The following ARHGAP6 variants were observed in gnomAD, a reference collection of about 807,000 sequenced individuals.
ARHGAP6 encodes the protein Rho GTPase activating protein 6, also known as rho GTPase-activating protein 6.
In ARHGAP6, 16 loss-of-function variants were observed where a neutral mutation model predicts 55.7. That is an observed-to-expected ratio of 0.29 (90% CI 0.19 to 0.44). The LOEUF is 0.44. Among genes scored for constraint, ARHGAP6 ranks in the 20% least tolerant of loss-of-function variants. The probability of loss-of-function intolerance (pLI) is 1.00; values close to 1 mark genes in which losing one functional copy is unlikely to be tolerated. For missense variants in ARHGAP6, 698 were observed against 808.9 expected, an observed-to-expected ratio of 0.86 and a Z score of 1.66; for synonymous variants, 382 against 360.9, an observed-to-expected ratio of 1.06 and a Z score of -0.66.
At chrX:11,459,870 C>T (rs745621311) in intron 1 of ARHGAP6, among the ~76,000 whole-genome samples, 3 of 111,588 alleles carry the variant, frequency 2.7e-5, no homozygotes, top group Non-Finnish European at 3.8e-5. Context: ...CATTCACAGA[C>T]TTCAGCCCTA....
chrX:11,599,126 G>A (rs1237458685), intron 1 of ARHGAP6, among the ~76,000 whole-genome samples: 1 of 111,346 alleles, frequency 9.0e-6, no homozygotes, highest in Non-Finnish European at 1.9e-5. Flanking sequence ...GTGTGTCTGT[G>A]TACCTCATCT....
At chrX:11,241,623 T>G (rs1233103761) in intron 2 of ARHGAP6, among the ~76,000 whole-genome samples, 2 of 109,502 alleles carry the variant, frequency 1.8e-5, no homozygotes, top group African/African-American at 3.3e-5. Context: ...TTGTTGGTTA[T>G]TTAACCAAAC....
intron 1 of ARHGAP6, among the ~76,000 whole-genome samples, chrX:11,643,041 C>T (rs2052491384): frequency 9.0e-6 from 1 of 111,118 alleles, no homozygotes; most frequent in South Asian, 3.7e-4. Flanking sequence ...GGAAGAAAAG[C>T]TGTTTTCTAT....
intron 5 of ARHGAP6, among the ~76,000 whole-genome samples, chrX:11,183,673 G>A (rs2046349435): frequency 1.8e-5 from 2 of 111,607 alleles, no homozygotes; most frequent in South Asian, 7.6e-4. Flanking sequence ...AGAAATCTCA[G>A]TGATTTCCTA....
intron 1 of ARHGAP6, among the ~76,000 whole-genome samples, chrX:11,431,074 A>G (rs2049936538): frequency 8.9e-6 from 1 of 112,790 alleles, no homozygotes; most frequent in African/African-American, 3.2e-5. Flanking sequence ...AGAAGCACAT[A>G]AAACCTCACT....
chrX:11,589,633 A>C lies in ARHGAP6; in HGVS notation c.588+74608T>G, dbSNP rs770940061. 8.8e-4 allele frequency among the ~76,000 whole-genome samples: 97 copies of C among 110,815 alleles called. 1 individual carries two copies. Among genetic ancestry groups the C allele is most frequent in the Non-Finnish European group, 1.2e-3 (66 of 53,001 alleles). ...AGTGAAGGAAAAAAGGTGTTTAGTTACTATCTGCTGAAATGCTGAGTCCAA... is the reference window on the plus strand; with the variant it reads ...AGTGAAGGAAAAAAGGTGTTTAGTTCCTATCTGCTGAAATGCTGAGTCCAA... On this transcript the variant is annotated intron_variant, in intron 1 of 12. Coordinates refer to ENST00000337414, the MANE Select transcript of ARHGAP6 (RefSeq NM_013427.3).
chrX:11,235,773 A>G (rs192395663), intron 2 of ARHGAP6, among the ~76,000 whole-genome samples: 1 of 111,303 alleles, frequency 9.0e-6, no homozygotes, highest in East Asian at 2.8e-4. Context: ...TCAGTTCCCA[A>G]CAAATTCCTC....
At chrX:11,153,737 T>G (rs911121521) in intron 10 of ARHGAP6, among the ~76,000 whole-genome samples, 8 of 110,530 alleles carry the variant, frequency 7.2e-5, no homozygotes, top group African/African-American at 2.6e-4. Flanking sequence ...TAAGTAAGTC[T>G]TCCCCCAGTG....
At chrX:11,341,915 T>C (rs1418497044) in intron 1 of ARHGAP6, among the ~76,000 whole-genome samples, 1 of 111,488 alleles carries the variant, frequency 9.0e-6, no homozygotes, top group Non-Finnish European at 1.9e-5. Flanking sequence ...TTCCCTAAAG[T>C]AAGCACATGA....
intron 1 of ARHGAP6, among the ~76,000 whole-genome samples, chrX:11,436,644 A>G (rs1343141136): frequency 2.7e-5 from 3 of 112,310 alleles, no homozygotes; most frequent in Admixed American, 9.4e-5. Flanking sequence ...CCAAATTTCC[A>G]TCAACTGATG....
At chrX:11,568,692 G>A (rs2051476227) in intron 1 of ARHGAP6, among the ~76,000 whole-genome samples, 1 of 108,634 alleles carries the variant, frequency 9.2e-6, no homozygotes, top group Non-Finnish European at 1.9e-5. Context: ...TAAGGGTAGA[G>A]GTTGCAGTGA....
At chrX:11,170,257 C>T (rs1269517393) in intron 8 of ARHGAP6, among the ~76,000 whole-genome samples, 2 of 111,927 alleles carry the variant, frequency 1.8e-5, no homozygotes, top group Admixed American at 1.9e-4. Flanking sequence ...ACCACAGAGG[C>T]GGAAGCATTT....
chrX:11,528,563 T>A (rs1413465263), intron 1 of ARHGAP6, among the ~76,000 whole-genome samples: 2 of 112,252 alleles, frequency 1.8e-5, no homozygotes, highest in African/African-American at 3.2e-5. Context: ...GCTTGTCCTT[T>A]TAATCCACAG....
At chrX:11,587,848 T>C (rs913819702) in intron 1 of ARHGAP6, among the ~76,000 whole-genome samples, 8 of 112,009 alleles carry the variant, frequency 7.1e-5, no homozygotes, top group African/African-American at 2.6e-4. Context: ...CTATGGGCCA[T>C]AGGATTCTTC....
chrX:11,621,196 A>G (rs2052225984), intron 1 of ARHGAP6, among the ~76,000 whole-genome samples: 1 of 112,224 alleles, frequency 8.9e-6, no homozygotes, highest in African/African-American at 3.2e-5. Context: ...AGACAGAAGA[A>G]CACAAACAAA....
intron 2 of ARHGAP6, among the ~76,000 whole-genome samples, chrX:11,202,036 T>TA (rs1386601595): frequency 1.0e-5 from 1 of 95,469 alleles, no homozygotes; most frequent in African/African-American, 3.9e-5. Flanking sequence ...TGTGTGTGTG[T>TA]GTGTGTGTGT....
intron 1 of ARHGAP6, among the ~76,000 whole-genome samples, chrX:11,373,120 CAT>C (rs1411343076): frequency 9.3e-4 from 63 of 67,665 alleles, no homozygotes; most frequent in African/African-American, 2.7e-3. Flanking sequence ...CACACACACA[CAT>C]ATATATATAT....
chrX:11,597,562 G>A (rs1049745710), intron 1 of ARHGAP6, among the ~76,000 whole-genome samples: 1 of 111,928 alleles, frequency 8.9e-6, no homozygotes, highest in Non-Finnish European at 1.9e-5. Context: ...ATCCCCATGG[G>A]AGAAGCAAAT....
At chrX:11,345,476 C>T (rs1327730881) in intron 1 of ARHGAP6, among the ~76,000 whole-genome samples, 2 of 112,437 alleles carry the variant, frequency 1.8e-5, no homozygotes, top group Non-Finnish European at 3.8e-5. Context: ...TACTTGTTTT[C>T]GTTTTTCTAT....
Sources: allele counts gnomAD v4.1 joint callset (sites outside exome capture counted in the v4.1 genomes callset), GRCh38; gene constraint gnomAD v4.1.1; transcripts MANE v1.5; gene names NCBI Gene and HGNC (gene_info 2026-07-23, HGNC 2026-07-21).